HPS5: variants seen among roughly 807,000 people sequenced by gnomAD.
HPS5 encodes BLOC-2 complex member HPS5.
A neutral mutation model predicts 128.0 loss-of-function variants in HPS5; 83 were observed. That is an observed-to-expected ratio of 0.65 (90% confidence interval 0.54 to 0.78). HPS5 has a LOEUF of 0.78. HPS5 is among the 30% of genes least tolerant of loss of function. The pLI, the probability that HPS5 is intolerant of heterozygous loss-of-function variation, is 0.00. For missense variants in HPS5, 1,281 were observed against 1,326.2 expected, an observed-to-expected ratio of 0.97 and a Z score of 0.53; for synonymous variants, 475 against 470.2, an observed-to-expected ratio of 1.01 and a Z score of -0.13.
Position 18,310,820 on chromosome 11 carries a change from G to A in HPS5, c.398C>T (p.Thr133Ile). 1 of 1,614,004 alleles carries A rather than the reference G, an allele frequency of 6.2e-7. No individual in the cohort carries two copies. Among genetic ancestry groups the A allele is most frequent in the Non-Finnish European group, 8.5e-7 (1 of 1,179,876 alleles). The change falls in exon 5 of 23, where the codon ACA (threonine) becomes ATA (isoleucine). Residue 133 changes from threonine to isoleucine, a missense_variant. Coordinates refer to ENST00000349215, the MANE Select transcript of HPS5 (RefSeq NM_181507.2). ...GRRVTALCWD[T>I]AILRVFVGDH... ...ACCTACAAAAACTCTAAGAATAGCT[G>A]TATCCCAGCAGAGAGCTGTGACTCT...
intron 12 of HPS5, 191 bp downstream of exon 12, chr11:18,296,607 G>GA (rs1861098577): frequency 2.8e-6 from 2 of 709,416 alleles, no homozygotes; most frequent in South Asian, 3.1e-5. Context: ...AACGTGAGGG[G>GA]AAAAAATACT....
chr11:18,279,996 C>T, intron 22 of HPS5, 54 bp from the exon 23 acceptor site: 1 of 1,557,288 alleles, frequency 6.4e-7, no homozygotes, highest in Non-Finnish European at 8.9e-7. Flanking sequence ...GTTCATTCTT[C>T]ACAGAAAACT....
chr11:18,297,490 G>C, intron 11 of HPS5, 69 bp downstream of exon 11: 1 of 1,449,748 alleles, frequency 6.9e-7, no homozygotes, highest in South Asian at 1.2e-5. Flanking sequence ...GGATCCTAGA[G>C]GTAAATAAGA....
Position 18,296,119 on chromosome 11 carries a change from T to C in HPS5, c.1514A>G (p.Asn505Ser), listed in dbSNP as rs143265437. 3.9e-5 allele frequency: 63 copies of C among 1,613,346 alleles called. No homozygotes were observed. In the African/African-American group the frequency reaches 6.0e-4, roughly 15 times the overall value. Residue 505 changes from asparagine to serine, a missense_variant, in exon 13 of 23, where the codon AAT becomes AGT. Asn to Ser is a conservative substitution (Grantham distance 46). Transcript: ENST00000349215. Reference sequence around the variant, plus strand: ...AAACATCACTGGAGCATGAGAAACATTGTCTAATGAATGGAATCAGGAAAA... The same window carrying C: ...AAACATCACTGGAGCATGAGAAACACTGTCTAATGAATGGAATCAGGAAAA... Reference protein sequence around the residue: ...QCCGSHGNEDNVSHAPVMFET... With the variant: ...QCCGSHGNEDSVSHAPVMFET...
At chr11:18,306,825 T>G (rs1449642975) in intron 6 of HPS5, among the ~76,000 whole-genome samples, 1 of 152,210 alleles carries the variant, frequency 6.6e-6, no homozygotes, top group Non-Finnish European at 1.5e-5. Context: ...ACCCAGGTCC[T>G]TCTGAAACTC....
chr11:18,301,454 C>CAAA (rs899074500), intron 8 of HPS5, among the ~76,000 whole-genome samples: 42 of 51,990 alleles, frequency 8.1e-4, no homozygotes, highest in African/African-American at 1.4e-3. Context: ...GACTCTGTCT[C>CAAA]AAAAAAAAAA....
At chr11:18,307,362 CTTTAAGAACATAGGTGTAAGAG>C (rs1476494808) in intron 6 of HPS5, among the ~76,000 whole-genome samples, 1 of 152,130 alleles carries the variant, frequency 6.6e-6, no homozygotes, top group East Asian at 1.9e-4. Flanking sequence ...ATTTGCTTTA[CTTTAAGAACATAGGTGTAAGAG>C]TGCTTTGAAA....
chr11:18,305,638 A>G (rs1218356905), intron 7 of HPS5, 145 bp from the exon 8 acceptor site: 2 of 577,470 alleles, frequency 3.5e-6, no homozygotes, highest in African/African-American at 3.8e-5. Flanking sequence ...GACACTAATC[A>G]TAGGAGAGGT....
At chr11:18,291,035 A>G (rs1329362901) in intron 16 of HPS5, among the ~76,000 whole-genome samples, 1 of 152,204 alleles carries the variant, frequency 6.6e-6, no homozygotes, top group African/African-American at 2.4e-5. Flanking sequence ...CTTGGCCGAC[A>G]TGGCAAAACC....
At chr11:18,304,420 T>C (rs928167108) in intron 8 of HPS5, among the ~76,000 whole-genome samples, 8 of 152,160 alleles carry the variant, frequency 5.3e-5, no homozygotes, top group African/African-American at 1.2e-4. Context: ...TTTCTCCATG[T>C]TGATAGGCTA....
At chr11:18,308,400 T>C (rs1235257839) in intron 6 of HPS5, among the ~76,000 whole-genome samples, 8 of 152,212 alleles carry the variant, frequency 5.3e-5, no homozygotes, top group Non-Finnish European at 1.0e-4. Flanking sequence ...TCATGGCACT[T>C]AGAATATGTC....
chr11:18,290,653 G>A (rs1860286122), intron 16 of HPS5, among the ~76,000 whole-genome samples: 1 of 152,198 alleles, frequency 6.6e-6, no homozygotes, highest in Non-Finnish European at 1.5e-5. Context: ...CAGGCATGGT[G>A]GCTCACACCT....
chr11:18,309,996 C>G (rs551979409), intron 5 of HPS5, among the ~76,000 whole-genome samples: 3 of 152,296 alleles, frequency 2.0e-5, no homozygotes, highest in Admixed American at 2.0e-4. Context: ...GAGCAAGAAC[C>G]TGTCTCAAAA....
chr11:18,306,954 A>C (rs942757935), intron 6 of HPS5, among the ~76,000 whole-genome samples: 1 of 151,070 alleles, frequency 6.6e-6, no homozygotes, highest in Non-Finnish European at 1.5e-5. Flanking sequence ...CTTCCTAAAA[A>C]CTCCTGTTAC....
At chr11:18,305,395 C>G (rs770092742) in intron 8 of HPS5, 27 bp downstream of exon 8, 54 of 1,461,724 alleles carry the variant, frequency 3.7e-5, no homozygotes, top group Middle Eastern at 1.7e-4. Flanking sequence ...TTTTTCCCCC[C>G]CAGAACTAAG....
At chr11:18,302,939 G>C (rs73430884) in intron 8 of HPS5, among the ~76,000 whole-genome samples, 1 of 149,748 alleles carries the variant, frequency 6.7e-6, no homozygotes, top group Admixed American at 6.8e-5. Flanking sequence ...AGATTAGATG[G>C]GGGGCTGAGG....
At chr11:18,289,845 T>C (rs1484537139) in intron 16 of HPS5, among the ~76,000 whole-genome samples, 1 of 152,218 alleles carries the variant, frequency 6.6e-6, no homozygotes, top group African/African-American at 2.4e-5. Context: ...GCAATGCATA[T>C]AGTTTTTAGG....
In HPS5 at chr11:18,279,843, T is replaced by G. The variant is rs1858635478; in HGVS notation, c.*39A>C. ...AAGGTTCAGGAGCATGATTTAGTTTTTCTCAAAATGTCATGACATCCTGCT... is the reference window on the plus strand; with the variant it reads ...AAGGTTCAGGAGCATGATTTAGTTTGTCTCAAAATGTCATGACATCCTGCT... On this transcript the variant is annotated 3_prime_UTR_variant, in exon 23 of 23. Coordinates refer to ENST00000349215, the MANE Select transcript of HPS5 (RefSeq NM_181507.2). 1 of 1,591,086 alleles carries G rather than the reference T, an allele frequency of 6.3e-7. No homozygotes were observed. The highest frequency in any genetic ancestry group is 8.6e-7 in the Non-Finnish European group (1 of 1,159,144).
Position 18,291,917 on chromosome 11 carries a change from G to A in HPS5, c.1965C>T (p.Asp655=). 6.2e-7 allele frequency: 1 copy of A among 1,609,246 alleles called. No homozygotes were observed. Among genetic ancestry groups the A allele is most frequent in the African/African-American group, 1.3e-5 (1 of 74,526 alleles). The change falls in exon 16 of 23, where the codon GAC becomes GAT. Residue 655 remains aspartate (D), a synonymous_variant. Transcript: ENST00000349215. The part of the protein sequence containing the change: ...SHLEKTFAMK[D]FSGVSDTDNS... The stretch of plus-strand genomic sequence containing the variant: ...TGTCAGTATCTGAAACACCTGAAAA[G>A]TCCTTCATGGCAAATGTTTTTTCTA...
Sources: allele counts gnomAD v4.1 joint callset (sites outside exome capture counted in the v4.1 genomes callset), GRCh38; gene constraint gnomAD v4.1.1; transcripts MANE v1.5; gene names NCBI Gene and HGNC (gene_info 2026-07-23, HGNC 2026-07-21).